CYP46A1: variants seen among roughly 807,000 people sequenced by gnomAD.
The protein encoded by CYP46A1 is cytochrome P450 family 46 subfamily A member 1.
Under a neutral mutation model 63.3 loss-of-function variants are expected in CYP46A1, and 20 were observed. That is an observed-to-expected ratio of 0.32 (90% confidence interval 0.22 to 0.46). CYP46A1 has a LOEUF of 0.46. CYP46A1 is among the 20% of genes least tolerant of loss of function. CYP46A1 has a pLI of 1.00. For synonymous variants in CYP46A1, 268 were observed against 273.6 expected (o/e 0.98, Z 0.20); for missense variants, 445 against 670.8 (o/e 0.66, Z 3.72).
At chr14:99,714,953 T>G (rs1325577101) in intron 7 of CYP46A1, among the ~76,000 whole-genome samples, 1 of 152,002 alleles carries the variant, frequency 6.6e-6, no homozygotes, top group Non-Finnish European at 1.5e-5. Flanking sequence ...CTAAAAAAGT[T>G]GATCTCATGG....
rs530418126 is a variant in CYP46A1, at chr14:99,703,412, C to A, written c.444-3235C>A. ...TGCTAAAGCTCAGATCTGACCATGC[C>A]ACTCCCCTGTTCTGAAGCCTTCAAT... is the stretch of plus-strand genomic sequence containing the variant. On this transcript the variant is annotated intron_variant, in intron 5 of 14. Transcript: ENST00000261835. Among the ~76,000 whole-genome samples, 27 of 152,286 alleles carry A rather than the reference C, an allele frequency of 1.8e-4. No homozygotes were observed. The South Asian group carries it at 5.4e-3, about 30-fold the overall frequency.
intron 7 of CYP46A1, among the ~76,000 whole-genome samples, chr14:99,714,967 TAA>T (rs936362167): frequency 2.6e-5 from 4 of 151,690 alleles, no homozygotes; most frequent in African/African-American, 9.7e-5. Flanking sequence ...CTCATGGAGG[TAA>T]AGAGTATAAT....
chr14:99,714,184 C>G (rs1412082903), intron 7 of CYP46A1, among the ~76,000 whole-genome samples: 1 of 152,054 alleles, frequency 6.6e-6, no homozygotes, highest in Non-Finnish European at 1.5e-5. Context: ...TCATCTTATC[C>G]CAGTTAGAAT....
chr14:99,706,896 C>G (rs1024676215), intron 6 of CYP46A1, 111 bp downstream of exon 6: 1 of 1,302,682 alleles, frequency 7.7e-7, no homozygotes, highest in Non-Finnish European at 1.0e-6. Context: ...TCTAACATAC[C>G]AGCAATTCCT....
In CYP46A1 at chr14:99,684,333, G is replaced by T. The variant is rs2056470007; in HGVS notation, c.-85G>T. ...TGGCCTGGGGCCGAGGCGGCGCGCG[G>T]CGCTGACAGCTGAGTCGGCTCGCGG... On this transcript the variant is annotated 5_prime_UTR_variant, in exon 1 of 15. Coordinates refer to ENST00000261835, the MANE Select transcript of CYP46A1 (RefSeq NM_006668.2). 2.5e-6 allele frequency: 2 copies of T among 794,996 alleles called. No homozygotes were observed. The highest frequency in any genetic ancestry group is 3.3e-6 in the Non-Finnish European group (2 of 602,948). 49.2% of individuals were successfully genotyped at this position (794,996 alleles called of 1,614,324 possible). A position where few individuals can be genotyped will look rare whatever the true frequency, so the allele number is the denominator to read the frequency against.
intron 1 of CYP46A1, among the ~76,000 whole-genome samples, chr14:99,689,631 A>G (rs2056525948): frequency 6.6e-6 from 1 of 152,178 alleles, no homozygotes; most frequent in Non-Finnish European, 1.5e-5. Context: ...CCAGCAGCCC[A>G]GGCCAAAAAC....
Position 99,684,638 on chromosome 14 carries a change from T to A in CYP46A1, c.119+102T>A, listed in dbSNP as rs61984440. 6.9e-6 allele frequency: 7 copies of A among 1,019,860 alleles called. No individual in the cohort carries two copies. The South Asian group carries it at 7.1e-5, about 10-fold the overall frequency. 63.2% of individuals were successfully genotyped at this position (1,019,860 alleles called of 1,614,324 possible). ...AGGCCGGGGGTCCGGCCTCGCCTAG[T>A]GCGCGCGGCCGCTGGGAGTCGGCGG... is the stretch of plus-strand genomic sequence containing the variant. On this transcript the variant is annotated intron_variant, in intron 1 of 14. Transcript: ENST00000261835.
intron 1 of CYP46A1, among the ~76,000 whole-genome samples, chr14:99,685,133 G>A (rs1421581645): frequency 9.9e-5 from 13 of 131,004 alleles, no homozygotes; most frequent in Admixed American, 5.0e-4. Context: ...TAAATTAAAT[G>A]TGTCATTTCC....
intron 5 of CYP46A1, among the ~76,000 whole-genome samples, chr14:99,702,931 T>C (rs2056644662): frequency 6.6e-6 from 1 of 152,240 alleles, no homozygotes; most frequent in South Asian, 2.1e-4. Context: ...TCCATGTTCA[T>C]GTTTTTCATT....
Position 99,722,756 on chromosome 14 carries a change from GT to G in CYP46A1, c.1176+693del. On this transcript the variant is annotated intron_variant, in intron 12 of 14. Transcript: ENST00000261835. The surrounding 1 kb of genome is among the most constrained non-coding windows in gnomAD (Gnocchi z 4.6). ...TATAAAGTTGGTAAGATTTGTGTAG[GT>G]TTCTCCACAAGGCCGTAGGACAACC... is the stretch of plus-strand genomic sequence containing the variant. 3.3e-6 allele frequency: 1 copy of G among 303,876 alleles called. No homozygotes were observed. The highest frequency in any genetic ancestry group is 2.8e-5 in the South Asian group (1 of 35,714). 18.8% of individuals were successfully genotyped at this position (303,876 alleles called of 1,614,324 possible).
At chr14:99,697,373 A>G (rs1328665988) in intron 3 of CYP46A1, among the ~76,000 whole-genome samples, 1 of 151,742 alleles carries the variant, frequency 6.6e-6, no homozygotes, top group Non-Finnish European at 1.5e-5. Context: ...TCTCCCTGGT[A>G]CTTTGTCCTA....
At chr14:99,702,885 G>A (rs1478906827) in intron 5 of CYP46A1, among the ~76,000 whole-genome samples, 1 of 152,068 alleles carries the variant, frequency 6.6e-6, no homozygotes, top group Non-Finnish European at 1.5e-5. Flanking sequence ...TTTGTCATTT[G>A]TACAGTTGTA....
chr14:99,713,510 G>C (rs2056754213), intron 7 of CYP46A1: 1 of 151,836 alleles, frequency 6.6e-6, no homozygotes, highest in African/African-American at 2.4e-5. Flanking sequence ...AAACATAGGG[G>C]AAATGCTCCA....
Position 99,722,081 on chromosome 14 carries a change from T to G in CYP46A1, c.1176+15T>G. ...CCCCGCTCTTGGTGGGTGGAGGCCC[T>G]GGGGGTCCTGGGGTGGGCTGGGCTG... is the stretch of plus-strand genomic sequence containing the variant. On this transcript the variant is annotated intron_variant, in intron 12 of 14. Coordinates refer to ENST00000261835, the MANE Select transcript of CYP46A1 (RefSeq NM_006668.2). This position sits in a 1 kb window ranked among gnomAD's most constrained non-coding sequence, Gnocchi z 4.6. The G allele has an allele frequency of 6.3e-7, 1 of 1,592,420 alleles. No individual in the cohort carries two copies.
intron 7 of CYP46A1, chr14:99,708,162 G>T: frequency 4.3e-6 from 1 of 234,116 alleles, no homozygotes; most frequent in Non-Finnish European, 8.5e-6. Flanking sequence ...GCCAGCACCC[G>T]TGCGCATCAT....
At chr14:99,721,167 C>T in intron 10 of CYP46A1, 72 bp from the exon 11 acceptor site, 1 of 1,076,356 alleles carries the variant, frequency 9.3e-7, no homozygotes, top group Middle Eastern at 2.0e-4. Context: ...TTCCAGTGCC[C>T]CCTTCTTAAA....
intron 7 of CYP46A1, among the ~76,000 whole-genome samples, chr14:99,713,600 C>T (rs2056755720): frequency 6.6e-6 from 1 of 151,958 alleles, no homozygotes; most frequent in South Asian, 2.1e-4. Flanking sequence ...CAAACGTGGC[C>T]AGGCATGGTG....
intron 7 of CYP46A1, among the ~76,000 whole-genome samples, chr14:99,713,865 C>CA (rs71113218): frequency 0.05 from 3,361 of 67,456 alleles, 474 homozygotes; most frequent in African/African-American, 0.13. Flanking sequence ...GACTCCATCT[C>CA]AAAAAAAAAA....
At chr14:99,691,897 TGCC>T in intron 3 of CYP46A1, 36 bp downstream of exon 3, 1 of 1,599,848 alleles carries the variant, frequency 6.3e-7, no homozygotes. Flanking sequence ...GGGAGTTCCC[TGCC>T]TTTCCTTGGG....
Sources: gnomAD v4.1 joint callset for allele counts (sites outside exome capture counted in the v4.1 genomes callset) on GRCh38, gnomAD v4.1.1 for gene constraint, Gnocchi (gnomAD v3.1) non-coding constraint, MANE v1.5 for transcripts, NCBI Gene and HGNC (gene_info 2026-07-23, HGNC 2026-07-21) for gene names.